TMEM132D: variants seen among roughly 807,000 people sequenced by gnomAD.
The protein encoded by TMEM132D is transmembrane protein 132D.
A neutral mutation model predicts 62.3 loss-of-function variants in TMEM132D; 21 were observed. The ratio of observed to expected loss-of-function variants is 0.34; its 90% CI spans 0.24 to 0.49. The LOEUF (loss-of-function observed/expected upper bound fraction) is 0.49. Among genes scored for constraint, TMEM132D ranks in the 20% least tolerant of loss-of-function variants. The pLI is 0.99. For missense variants in TMEM132D, 1,346 were observed against 1,402.8 expected, an observed-to-expected ratio of 0.96 and a Z score of 0.65; for synonymous variants, 621 against 575.6, an observed-to-expected ratio of 1.08 and a Z score of -1.13.
intron 2 of TMEM132D, among the ~76,000 whole-genome samples, chr12:129,585,266 A>G (rs1877991659): frequency 6.6e-6 from 1 of 152,228 alleles, no homozygotes; most frequent in Non-Finnish European, 1.5e-5. Flanking sequence ...ACACACTGTC[A>G]TGCCCATGTT....
chr12:129,109,425 A>T (rs2135642814), intron 5 of TMEM132D, among the ~76,000 whole-genome samples: 1 of 151,704 alleles, frequency 6.6e-6, no homozygotes, highest in Middle Eastern at 3.4e-3. Context: ...ATATAGATAA[A>T]CTCCTTAGAC....
At chr12:129,792,322 G>C (rs1871422656) in intron 1 of TMEM132D, among the ~76,000 whole-genome samples, 1 of 152,004 alleles carries the variant, frequency 6.6e-6, no homozygotes, top group African/African-American at 2.4e-5. Flanking sequence ...TCCTGAATAG[G>C]CTATTTCATC....
intron 2 of TMEM132D, among the ~76,000 whole-genome samples, chr12:129,557,224 TATTG>T (rs1220479335): frequency 6.6e-6 from 1 of 152,230 alleles, no homozygotes; most frequent in African/African-American, 2.4e-5. Context: ...AAATATCTTT[TATTG>T]ATTACTCTGT....
chr12:129,109,073 A>G (rs771603742), intron 5 of TMEM132D, among the ~76,000 whole-genome samples: 113 of 152,246 alleles, frequency 7.4e-4, no homozygotes, highest in Non-Finnish European at 2.2e-4. Flanking sequence ...ATGGAAAACT[A>G]CTATCACCGA....
chr12:129,492,934 C>T (rs961990313), intron 3 of TMEM132D, among the ~76,000 whole-genome samples: 1 of 152,020 alleles, frequency 6.6e-6, no homozygotes, highest in Non-Finnish European at 1.5e-5. Context: ...AGCTAATCCC[C>T]CTTTTCCTGA....
chr12:129,429,535 A>C (rs1239451943), intron 3 of TMEM132D, among the ~76,000 whole-genome samples: 1 of 151,866 alleles, frequency 6.6e-6, no homozygotes, highest in African/African-American at 2.4e-5. Context: ...TCAGCCTCCC[A>C]AGTAGCTGAG....
chr12:129,563,148 C>A (rs890262647), intron 2 of TMEM132D, among the ~76,000 whole-genome samples: 3 of 152,064 alleles, frequency 2.0e-5, no homozygotes, highest in African/African-American at 7.2e-5. Context: ...TTGGTCTATT[C>A]CAAACATACA....
intron 3 of TMEM132D, among the ~76,000 whole-genome samples, chr12:129,348,146 G>T (rs375998108): frequency 3.3e-4 from 51 of 152,268 alleles, no homozygotes; most frequent in African/African-American, 1.1e-3. Flanking sequence ...AGACAGTGTG[G>T]CGATTCCCCA....
At position 129,874,794 on chromosome 12, in the gene TMEM132D, C is replaced by T. The variant is rs188214942; in HGVS notation, c.79+28467G>A. Among the ~76,000 whole-genome samples the T allele has an allele frequency of 3.1e-3, 470 of 151,324 alleles. 2 individuals are homozygous for T. The highest frequency in any genetic ancestry group is 0.011 in the African/African-American group (444 of 41,248). ...TCGGCTCACTGCAAATTCCACCTCCCGGTTCAAGTGATTCTCCTGCCTCAG... is the reference window on the plus strand; with the variant it reads ...TCGGCTCACTGCAAATTCCACCTCCTGGTTCAAGTGATTCTCCTGCCTCAG... On this transcript the variant is annotated intron_variant, in intron 1 of 8. Coordinates refer to ENST00000422113, the MANE Select transcript of TMEM132D (RefSeq NM_133448.3).
intron 5 of TMEM132D, among the ~76,000 whole-genome samples, chr12:129,169,711 A>G (rs910672992): frequency 4.3e-4 from 66 of 152,174 alleles, no homozygotes; most frequent in African/African-American, 1.4e-3. Flanking sequence ...ATAAGAGGGG[A>G]TTCAAGAAGC....
At chr12:129,746,178 TGCAAAGG>T (rs1207787376) in intron 1 of TMEM132D, among the ~76,000 whole-genome samples, 1 of 152,182 alleles carries the variant, frequency 6.6e-6, no homozygotes, top group Non-Finnish European at 1.5e-5. Flanking sequence ...AGAGAGCCAG[TGCAAAGG>T]GAGCACAGTA....
chr12:129,679,592 A>G (rs530842100), intron 2 of TMEM132D, among the ~76,000 whole-genome samples: 19 of 152,170 alleles, frequency 1.2e-4, no homozygotes, highest in Non-Finnish European at 1.9e-4. Context: ...GCTTAAATTA[A>G]CCAAGATTAT....
At chr12:129,199,682 C>T (rs1001248061) in intron 5 of TMEM132D, among the ~76,000 whole-genome samples, 1 of 152,162 alleles carries the variant, frequency 6.6e-6, no homozygotes, top group African/African-American at 2.4e-5. Flanking sequence ...GTCTCACAAT[C>T]ACAGCAGAAG....
chr12:129,260,000 T>G (rs1387981121), intron 4 of TMEM132D, among the ~76,000 whole-genome samples: 1 of 152,198 alleles, frequency 6.6e-6, no homozygotes, highest in Non-Finnish European at 1.5e-5. Context: ...TTAGACATCC[T>G]TAAGGAACTA....
intron 1 of TMEM132D, among the ~76,000 whole-genome samples, chr12:129,725,088 A>G (rs765974069): frequency 8.5e-5 from 13 of 152,226 alleles, no homozygotes; most frequent in Non-Finnish European, 1.9e-4. Flanking sequence ...AAGTGTGCCC[A>G]AGACAGTGGA....
rs76565725 is a variant in TMEM132D at position 129,188,439 on chromosome 12, C to G, written c.1443+21081G>C. Among the ~76,000 whole-genome samples, 385 of 152,346 alleles carry G rather than the reference C, an allele frequency of 2.5e-3. 1 individual carries two copies. Among genetic ancestry groups the G allele is most frequent in the African/African-American group, 8.0e-3 (333 of 41,580 alleles). Reference sequence around the variant, plus strand: ...CTTCTTGATGAAATAAATGCTCACTCTTTCAAGCCATCAGAGGTTGTGAGT... The same window carrying G: ...CTTCTTGATGAAATAAATGCTCACTGTTTCAAGCCATCAGAGGTTGTGAGT... On this transcript the variant is annotated intron_variant, in intron 5 of 8. Coordinates refer to ENST00000422113, the MANE Select transcript of TMEM132D (RefSeq NM_133448.3).
At chr12:129,079,888 T>C in intron 7 of TMEM132D, among the ~76,000 whole-genome samples, 1 of 152,170 alleles carries the variant, frequency 6.6e-6, no homozygotes, top group African/African-American at 2.4e-5. Context: ...CAAAATAATG[T>C]TCATGTTTAA....
intron 5 of TMEM132D, among the ~76,000 whole-genome samples, chr12:129,123,330 T>C (rs1565971527): frequency 1.3e-5 from 2 of 152,198 alleles, no homozygotes; most frequent in African/African-American, 4.8e-5. Flanking sequence ...TAATTAGTTG[T>C]TGATTTTTTT....
rs1234441352 is a variant in TMEM132D, at chr12:129,073,898, C to T, written c.3277G>A (p.Glu1093Lys). The T allele has an allele frequency of 1.3e-6, 2 of 1,550,722 alleles. No individual in the cohort carries two copies. Among genetic ancestry groups the T allele is most frequent in the Non-Finnish European group, 1.7e-6 (2 of 1,150,866 alleles). The change falls in exon 9 of 9, where the codon GAG becomes AAG. Residue 1093 changes from glutamate (E) to lysine (K), a missense_variant. Glu to Lys is a moderately conservative substitution (Grantham distance 56, BLOSUM62 1). Transcript: ENST00000422113. ...GDCKELHNYM[E>K]RLHENV ...GCTTACACATTTTCATGTAACCTCT[C>T]CATGTAGTTGTGCAGCTCTTTGCAG...
Sources: allele counts gnomAD v4.1 joint callset (sites outside exome capture counted in the v4.1 genomes callset), GRCh38; gene constraint gnomAD v4.1.1; transcripts MANE v1.5; gene names NCBI Gene and HGNC (gene_info 2026-07-23, HGNC 2026-07-21).